Variants in CTNNA2 observed in about 807,000 individuals in gnomAD.
The protein encoded by CTNNA2 is catenin alpha-2.
A neutral mutation model predicts 101.0 loss-of-function variants in CTNNA2; 42 were observed. The observed-to-expected ratio is 0.42, with a 90% confidence interval of 0.32 to 0.54. The LOEUF (loss-of-function observed/expected upper bound fraction) is 0.54. Ranked by LOEUF, CTNNA2 falls within the 20% of genes least tolerant of loss-of-function variation. The pLI is 0.14. For missense variants in CTNNA2, 871 were observed against 1,223.1 expected (o/e 0.71, Z 4.29); for synonymous variants, 450 against 456.4 (o/e 0.99, Z 0.18).
At chr2:80,575,402 T>G (rs912966582) in intron 13 of CTNNA2, 1 of 152,158 alleles carries the variant, frequency 6.6e-6, no homozygotes. Context: ...AGCCTAAATC[T>G]TTCTCTCTCT....
intron 1 of CTNNA2, among the ~76,000 whole-genome samples, chr2:79,538,225 T>C (rs1284220093): frequency 7.2e-6 from 1 of 138,720 alleles, no homozygotes; most frequent in Non-Finnish European, 1.5e-5. Flanking sequence ...GCAGCATTAG[T>C]AATAAAGATG....
At chr2:80,043,151 T>G (rs1558755503) in intron 7 of CTNNA2, among the ~76,000 whole-genome samples, 1 of 67,272 alleles carries the variant, frequency 1.5e-5, no homozygotes, top group African/African-American at 6.3e-5. Context: ...CCTTCCTTCC[T>G]TCCTTCCTTC....
chr2:79,627,632 G>A (rs1679407846), intron 1 of CTNNA2, among the ~76,000 whole-genome samples: 2 of 152,096 alleles, frequency 1.3e-5, no homozygotes, highest in African/African-American at 4.8e-5. Context: ...ATTAAATCTT[G>A]CTTTCTGTTG....
chr2:80,347,918 G>A (rs926865374), intron 7 of CTNNA2, among the ~76,000 whole-genome samples: 3 of 151,618 alleles, frequency 2.0e-5, no homozygotes, highest in African/African-American at 7.3e-5. Flanking sequence ...ACCTTGGGGG[G>A]AGTTTTTAAA....
At chr2:79,463,412 A>G (rs867735323) in intron 4 of CTNNA2, among the ~76,000 whole-genome samples, 5 of 151,882 alleles carry the variant, frequency 3.3e-5, no homozygotes, top group South Asian at 2.1e-4. Context: ...AAAAAAAAAA[A>G]AAGAAAGTCC....
At chr2:79,478,871 T>C (rs558327228) in intron 4 of CTNNA2, among the ~76,000 whole-genome samples, 13 of 152,302 alleles carry the variant, frequency 8.5e-5, no homozygotes, top group African/African-American at 3.1e-4. Context: ...TAACAGACTC[T>C]CAAAGTGAAG....
intron 1 of CTNNA2, among the ~76,000 whole-genome samples, chr2:79,630,964 C>A (rs2104357024): frequency 6.6e-6 from 1 of 150,460 alleles, no homozygotes; most frequent in Middle Eastern, 3.4e-3. Context: ...ATTTCCACTT[C>A]TTCACTGAAA....
chr2:79,289,163 T>C (rs1056445049), intron 2 of CTNNA2, among the ~76,000 whole-genome samples: 1 of 152,320 alleles, frequency 6.6e-6, no homozygotes. Context: ...GTCATTATTG[T>C]CTTTGTGATT....
chr2:80,018,000 A>G (rs1447956855), intron 7 of CTNNA2, among the ~76,000 whole-genome samples: 1 of 152,226 alleles, frequency 6.6e-6, no homozygotes, highest in African/African-American at 2.4e-5. Flanking sequence ...AAAACATTAT[A>G]AAATGTAATA....
At chr2:80,381,314 T>C (rs1230872211) in intron 7 of CTNNA2, among the ~76,000 whole-genome samples, 1 of 151,884 alleles carries the variant, frequency 6.6e-6, no homozygotes, top group Non-Finnish European at 1.5e-5. Flanking sequence ...CACCTCTAGA[T>C]TGGGGCTTGT....
At chr2:79,227,365 A>G (rs1226246001) in intron 2 of CTNNA2, among the ~76,000 whole-genome samples, 1 of 152,180 alleles carries the variant, frequency 6.6e-6, no homozygotes, top group African/African-American at 2.4e-5. Context: ...CAAGCCTTCT[A>G]ATTTTTGGAA....
intron 2 of CTNNA2, among the ~76,000 whole-genome samples, chr2:79,701,997 CAAAAAAAAAAA>C (rs58716617): frequency 4.0e-5 from 3 of 75,434 alleles, no homozygotes; most frequent in Non-Finnish European, 7.4e-5. Flanking sequence ...GACTCTGTCT[CAAAAAAAAAAA>C]AAAAAAAAAA....
At chr2:79,572,701 A>G (rs1263271906) in intron 1 of CTNNA2, among the ~76,000 whole-genome samples, 1 of 152,198 alleles carries the variant, frequency 6.6e-6, no homozygotes, top group Non-Finnish European at 1.5e-5. Context: ...GCAGTGAACC[A>G]AGATCACGCT....
chr2:80,372,877 G>C (rs1454844895), intron 7 of CTNNA2, among the ~76,000 whole-genome samples: 2 of 152,132 alleles, frequency 1.3e-5, no homozygotes, highest in East Asian at 3.9e-4. Context: ...ATTTTAGATT[G>C]CCATAACTGG....
intron 3 of CTNNA2, among the ~76,000 whole-genome samples, chr2:79,353,683 A>G (rs1677443851): frequency 6.6e-6 from 1 of 152,140 alleles, no homozygotes; most frequent in African/African-American, 2.4e-5. Context: ...ATTAATATTG[A>G]TACGTAAAAT....
At chr2:80,632,527 A>G (rs1437510322) in intron 18 of CTNNA2, among the ~76,000 whole-genome samples, 1 of 152,106 alleles carries the variant, frequency 6.6e-6, no homozygotes, top group Admixed American at 6.6e-5. Context: ...TAGTTTGGAA[A>G]CTGTATTTCC....
chr2:79,468,847 A>G (rs550428382), intron 4 of CTNNA2, among the ~76,000 whole-genome samples: 1 of 152,322 alleles, frequency 6.6e-6, no homozygotes, highest in Non-Finnish European at 1.5e-5. Flanking sequence ...CAAAGACACA[A>G]CATACCAGAA....
intron 7 of CTNNA2, among the ~76,000 whole-genome samples, chr2:80,205,435 G>A (rs776731302): frequency 1.3e-5 from 2 of 152,162 alleles, no homozygotes; most frequent in Non-Finnish European, 2.9e-5. Context: ...AATTAGTGTT[G>A]ACACTGACGG....
intron 7 of CTNNA2, among the ~76,000 whole-genome samples, chr2:80,189,078 G>A (rs1449247065): frequency 8.7e-5 from 13 of 149,848 alleles, no homozygotes; most frequent in African/African-American, 3.0e-4. Flanking sequence ...TCAGCCTTCC[G>A]AGTAGCTGGG....
Sources: gnomAD v4.1 joint callset for allele counts (sites outside exome capture counted in the v4.1 genomes callset) on GRCh38, gnomAD v4.1.1 for gene constraint, MANE v1.5 for transcripts, NCBI Gene and HGNC (gene_info 2026-07-23, HGNC 2026-07-21) for gene names.